Variants in FSTL1 observed in about 807,000 individuals in gnomAD.
The protein encoded by FSTL1 is follistatin-related protein 1.
A neutral mutation model predicts 45.9 loss-of-function variants in FSTL1; 24 were observed. That is an observed-to-expected ratio of 0.52 (90% confidence interval 0.38 to 0.74). The LOEUF (loss-of-function observed/expected upper bound fraction) is 0.74. Ranked by LOEUF, FSTL1 falls within the 30% of genes least tolerant of loss-of-function variation. The pLI, the probability that FSTL1 is intolerant of heterozygous loss-of-function variation, is 0.00. For synonymous variants in FSTL1, 120 were observed against 137.6 expected (o/e 0.87, Z 0.89); for missense variants, 340 against 381.8 (o/e 0.89, Z 0.91).
rs770166559 is a variant in FSTL1, at chr3:120,392,302, AGAT to A, written c.*4647_*4649del. The A allele has an allele frequency of 7.2e-5, 11 of 152,234 alleles. No homozygotes were observed. Among genetic ancestry groups the A allele is most frequent in the Non-Finnish European group, 1.6e-4 (11 of 68,038 alleles). The allele number at this position is 152,234 out of a possible 1,614,324, so 9.4% of individuals were successfully genotyped here. ...AAATGACAAGAACCAATTATTCATG[AGAT>A]GATATTTAATCTTACAAAAGGAATA... On this transcript the variant is annotated 3_prime_UTR_variant, in exon 11 of 11. Coordinates refer to ENST00000295633, the MANE Select transcript of FSTL1 (RefSeq NM_007085.5).
At chr3:120,450,083 G>A (rs891864486) in intron 2 of FSTL1, among the ~76,000 whole-genome samples, 2 of 152,084 alleles carry the variant, frequency 1.3e-5, no homozygotes, top group African/African-American at 4.8e-5. Flanking sequence ...CCCCCAAAGA[G>A]CAGAGCAATG....
intron 2 of FSTL1, among the ~76,000 whole-genome samples, chr3:120,444,958 G>A (rs770100237): frequency 1.3e-5 from 2 of 149,818 alleles, no homozygotes; most frequent in Non-Finnish European, 2.9e-5. Context: ...TCCTACGGTT[G>A]ACTATGTAGT....
chr3:120,409,331 A>G (rs558757712), intron 6 of FSTL1, among the ~76,000 whole-genome samples: 20 of 152,280 alleles, frequency 1.3e-4, no homozygotes, highest in African/African-American at 4.6e-4. Context: ...TTAGATCCCA[A>G]AGACTCCACT....
chr3:120,412,800 A>G (rs1005179911), intron 3 of FSTL1, among the ~76,000 whole-genome samples: 15 of 150,426 alleles, frequency 1.0e-4, no homozygotes, highest in Non-Finnish European at 1.8e-4. Context: ...ATAGGCAGGC[A>G]GGCAAACACA....
intron 2 of FSTL1, among the ~76,000 whole-genome samples, chr3:120,431,569 T>A (rs899659433): frequency 2.6e-5 from 4 of 152,032 alleles, no homozygotes; most frequent in Non-Finnish European, 5.9e-5. Context: ...ACGCCTGTTA[T>A]CCCAGCACTT....
At chr3:120,449,782 A>G (rs1373799478) in intron 2 of FSTL1, among the ~76,000 whole-genome samples, 2 of 152,146 alleles carry the variant, frequency 1.3e-5, no homozygotes, top group Non-Finnish European at 2.9e-5. Context: ...CCCACCAGGG[A>G]GCTATTTCTT....
chr3:120,395,348 C>T lies in FSTL1; in HGVS notation c.*1604G>A, dbSNP rs1387079192. On this transcript the variant is annotated 3_prime_UTR_variant, in exon 11 of 11. Transcript: ENST00000295633. ...GAGTGGGGTTAATAATCACAGAAGT[C>T]GAAAGACACAGGACTAACTGTAAAT... 3 of 263,860 alleles carry T rather than the reference C, an allele frequency of 1.1e-5. No individual in the cohort carries two copies. Among genetic ancestry groups the T allele is most frequent in the African/African-American group, 2.3e-5 (1 of 43,196 alleles). The allele number at this position is 263,860 out of a possible 1,614,324, so 16.3% of individuals were successfully genotyped here.
intron 2 of FSTL1, among the ~76,000 whole-genome samples, chr3:120,428,271 T>C (rs765074119): frequency 2.1e-4 from 32 of 152,286 alleles, no homozygotes; most frequent in Non-Finnish European, 4.4e-4. Flanking sequence ...ACGTGGTTTA[T>C]CTCCCCTTGG....
intron 10 of FSTL1, among the ~76,000 whole-genome samples, chr3:120,398,518 C>G (rs116347001): frequency 2.4e-4 from 36 of 152,282 alleles, no homozygotes; most frequent in African/African-American, 8.2e-4. Context: ...TAGAAACAGC[C>G]CAGCTTCATC....
chr3:120,447,562 GAAGCAATCAGA>G (rs1937783870), intron 2 of FSTL1, among the ~76,000 whole-genome samples: 2 of 152,198 alleles, frequency 1.3e-5, no homozygotes. Context: ...AGAAAGAGAA[GAAGCAATCAGA>G]AAGCAACCCT....
chr3:120,407,966 C>A (rs1936978466), intron 6 of FSTL1, among the ~76,000 whole-genome samples: 2 of 152,174 alleles, frequency 1.3e-5, no homozygotes, highest in Admixed American at 1.3e-4. Flanking sequence ...GGAATCAAAT[C>A]TAATAGCAGG....
intron 2 of FSTL1, among the ~76,000 whole-genome samples, chr3:120,440,247 T>C (rs1937614454): frequency 1.3e-5 from 2 of 152,254 alleles, no homozygotes; most frequent in African/African-American, 4.8e-5. Context: ...TAATTCCAAA[T>C]GGAGGTCATG....
chr3:120,429,359 G>A (rs1207416924), intron 2 of FSTL1, among the ~76,000 whole-genome samples: 2 of 152,256 alleles, frequency 1.3e-5, no homozygotes, highest in African/African-American at 4.8e-5. Flanking sequence ...GAGCACCCAT[G>A]AGTGTGGCCT....
At chr3:120,428,045 C>T (rs1305033169) in intron 2 of FSTL1, among the ~76,000 whole-genome samples, 5 of 152,168 alleles carry the variant, frequency 3.3e-5, no homozygotes, top group African/African-American at 1.2e-4. Flanking sequence ...AGGAACCCCG[C>T]CCTTACACTG....
Position 120,414,306 on chromosome 3 carries a change from G to A in FSTL1, c.168+1617C>T, listed in dbSNP as rs545336855. ...AGTCTGGAACGTGAGAAGCGTCTCT[G>A]CCCGGCCGCCATCCCACCTAGGAAG... On this transcript the variant is annotated intron_variant, in intron 3 of 10. Transcript: ENST00000295633. Among the ~76,000 whole-genome samples the A allele has an allele frequency of 2.0e-5, 3 of 152,070 alleles. No individual in the cohort carries two copies. In the East Asian group the frequency reaches 5.8e-4, roughly 30 times the overall value.
chr3:120,445,995 C>A (rs1048910237), intron 2 of FSTL1, among the ~76,000 whole-genome samples: 1 of 146,060 alleles, frequency 6.8e-6, no homozygotes, highest in Non-Finnish European at 1.5e-5. Flanking sequence ...TGCATTTGCC[C>A]TCTGAGGACA....
At chr3:120,409,708 C>T (rs1312512006) in intron 5 of FSTL1, 46 bp from the exon 6 acceptor site, 11 of 1,601,946 alleles carry the variant, frequency 6.9e-6, no homozygotes, top group Non-Finnish European at 9.4e-6. Context: ...AGGGGAGGAC[C>T]CCAGTGATAT....
rs1036047996 is a variant in FSTL1, at chr3:120,396,509, C to T, written c.*443G>A. The T allele has an allele frequency of 1.1e-4, 17 of 159,512 alleles. No individual in the cohort carries two copies. Among genetic ancestry groups the T allele is most frequent in the Non-Finnish European group, 2.1e-4 (15 of 72,690 alleles). 9.9% of individuals were successfully genotyped at this position (159,512 alleles called of 1,614,324 possible). On this transcript the variant is annotated 3_prime_UTR_variant, in exon 11 of 11. Transcript: ENST00000295633. ...GGATGCTGGAGGTCTGTCATGCTGA[C>T]GGCAATGGAAAGAGGCTGGAAGCAG...
chr3:120,437,062 C>T (rs947966626), intron 2 of FSTL1, among the ~76,000 whole-genome samples: 2 of 152,192 alleles, frequency 1.3e-5, no homozygotes, highest in African/African-American at 4.8e-5. Flanking sequence ...GATAGAAATT[C>T]CACTGTATCA....
Sources: gnomAD v4.1 joint callset for allele counts (sites outside exome capture counted in the v4.1 genomes callset) on GRCh38, gnomAD v4.1.1 for gene constraint, MANE v1.5 for transcripts, NCBI Gene and HGNC (gene_info 2026-07-23, HGNC 2026-07-21) for gene names.